The following BOD1L1 variants were observed in gnomAD, a reference collection of about 807,000 sequenced individuals.
BOD1L1 encodes biorientation of chromosomes in cell division 1 like 1.
A neutral mutation model predicts 240.7 loss-of-function variants in BOD1L1; 86 were observed. That is an observed-to-expected ratio of 0.36 (90% confidence interval 0.30 to 0.43). The LOEUF is 0.43. BOD1L1 is among the 20% of genes least tolerant of loss of function. The probability of loss-of-function intolerance (pLI) is 1.00; values close to 1 mark genes in which losing one functional copy is unlikely to be tolerated. For synonymous variants in BOD1L1, 1,268 were observed against 1,272.3 expected (o/e 1.00, Z 0.07); for missense variants, 3,554 against 3,643.5 (o/e 0.98, Z 0.63).
chr4:13,575,717 G>A (rs16888834), intron 25 of BOD1L1, among the ~76,000 whole-genome samples: 380 of 152,154 alleles, frequency 2.5e-3, no homozygotes, highest in African/African-American at 8.2e-3. Flanking sequence ...AGTGATTAAC[G>A]GTTAGGATGA....
chr4:13,622,867 C>T (rs916915223), intron 1 of BOD1L1, among the ~76,000 whole-genome samples: 1 of 152,222 alleles, frequency 6.6e-6, no homozygotes. Flanking sequence ...CTGCCAATGG[C>T]TTCTGAGCTC....
Position 13,601,709 on chromosome 4 carries a change from C to T in BOD1L1, c.5191G>A (p.Gly1731Arg), listed in dbSNP as rs754641458. ...AAGTTATCACTTCTGCCTTCTGCTCCTGTACATGTCACAGTGCCCTCTGTT... is the reference window on the plus strand; with the variant it reads ...AAGTTATCACTTCTGCCTTCTGCTCTTGTACATGTCACAGTGCCCTCTGTT... The part of the protein sequence containing the change: ...KETEGTVTCT[G>R]AEGRSDNFVI... Residue 1731 changes from glycine to arginine, a missense_variant, in exon 10 of 26, where the codon GGA (glycine) becomes AGA (arginine). Around this residue, in one of 2 missense-constraint regions of BOD1L1, gnomAD observed 3,393 missense variants for 3,427.1 expected, o/e 0.99. Coordinates refer to ENST00000040738, the MANE Select transcript of BOD1L1 (RefSeq NM_148894.3). 3 of 1,613,898 alleles carry T rather than the reference C, an allele frequency of 1.9e-6. No individual in the cohort carries two copies. The highest frequency in any genetic ancestry group is 2.7e-5 in the African/African-American group (2 of 74,932).
intron 5 of BOD1L1, among the ~76,000 whole-genome samples, chr4:13,612,421 G>C (rs775070571): frequency 6.0e-4 from 92 of 152,164 alleles, no homozygotes; most frequent in Non-Finnish European, 1.1e-3. Context: ...CACAGACTCG[G>C]GTTTGAAATC....
At position 13,609,290 on chromosome 4, in the gene BOD1L1, T is replaced by C. The variant is rs755834378; in HGVS notation, c.1603+5A>G. The stretch of plus-strand genomic sequence containing the variant: ...GTTTAAAATATTAAAAGTTGACATC[T>C]ATACCTTGACCCTTGGTTTTTGAAG... On this transcript the variant is annotated splice_donor_5th_base_variant and intron_variant, in intron 7 of 25. Transcript: ENST00000040738. The C allele has an allele frequency of 2.1e-5, 32 of 1,498,480 alleles. No individual in the cohort carries two copies. Among genetic ancestry groups the C allele is most frequent in the Non-Finnish European group, 2.6e-5 (29 of 1,124,976 alleles). 92.8% of individuals were successfully genotyped at this position (1,498,480 alleles called of 1,614,324 possible).
chr4:13,591,313 C>T (rs1012103986), intron 13 of BOD1L1, among the ~76,000 whole-genome samples: 1 of 152,118 alleles, frequency 6.6e-6, no homozygotes, highest in Non-Finnish European at 1.5e-5. Context: ...AAACAGAGTG[C>T]TTGATGAGGA....
chr4:13,625,220 A>G (rs1717302948), intron 1 of BOD1L1: 1 of 152,248 alleles, frequency 6.6e-6, no homozygotes, highest in Admixed American at 6.5e-5. Flanking sequence ...AGAGGCTAAG[A>G]ACATTAAAAT....
Position 13,604,569 on chromosome 4 carries a change from T to A in BOD1L1, c.2331A>T (p.Gln777His), listed in dbSNP as rs529257574. The change falls in exon 10 of 26, where the codon CAA becomes CAT. Residue 777 changes from glutamine to histidine, a missense_variant. Physicochemically the swap from Gln to His is conservative, Grantham distance 24. Coordinates refer to ENST00000040738, the MANE Select transcript of BOD1L1 (RefSeq NM_148894.3). ...KVEENIQKQS[Q>H]QTKLSSDDKT... ...TATCATCTGAAGAAAGCTTTGTTTG[T>A]TGACTTTGCTTTTGAATATTTTCCT... 1.7e-4 allele frequency: 260 copies of A among 1,561,712 alleles called. 2 individuals carry two copies. The highest frequency in any genetic ancestry group is 1.0e-3 in the Middle Eastern group (6 of 5,814).
intron 10 of BOD1L1, 24 bp from the exon 11 acceptor site, chr4:13,597,192 TAC>T: frequency 6.4e-7 from 1 of 1,570,482 alleles, no homozygotes; most frequent in South Asian, 1.2e-5. Flanking sequence ...AGCCATTTAG[TAC>T]AGTTTAAGAA....
chr4:13,623,858 G>C (rs564720587), intron 1 of BOD1L1: 3 of 152,114 alleles, frequency 2.0e-5, no homozygotes, highest in African/African-American at 4.8e-5. Flanking sequence ...ACAGAAAGCA[G>C]GTCAGTCTTT....
intron 25 of BOD1L1, among the ~76,000 whole-genome samples, chr4:13,573,470 A>ATCTATCTTTCTT (rs71169517): frequency 9.5e-4 from 116 of 122,724 alleles, no homozygotes; most frequent in African/African-American, 3.1e-3. Flanking sequence ...CTATCTATCT[A>ATCTATCTTTCTT]TCTTTCTTTC....
rs1214827866 is a variant in BOD1L1, at chr4:13,601,589, T to G, written c.5311A>C (p.Thr1771Pro). The G allele has an allele frequency of 6.2e-7, 1 of 1,613,898 alleles. No individual in the cohort carries two copies. The highest frequency in any genetic ancestry group is 8.5e-7 in the Non-Finnish European group (1 of 1,179,896). ...CCATCTCCTTCTTGGCTGGCACTTG[T>G]TCCTGGTGGTGCATCATTATCTCCC... ...VLGDNDAPPG[T>P]SASQEGDGSV... Residue 1771 changes from threonine to proline, a missense_variant, in exon 10 of 26, where the codon ACA becomes CCA. Around this residue, in one of 2 missense-constraint regions of BOD1L1, gnomAD observed 3,393 missense variants for 3,427.1 expected, o/e 0.99. Coordinates refer to ENST00000040738, the MANE Select transcript of BOD1L1 (RefSeq NM_148894.3).
intron 2 of BOD1L1, among the ~76,000 whole-genome samples, chr4:13,616,871 T>A (rs2108989633): frequency 6.6e-6 from 1 of 152,212 alleles, no homozygotes; most frequent in East Asian, 1.9e-4. Context: ...CTGTTACATC[T>A]TAGAGGTGTA....
intron 18 of BOD1L1, 22 bp downstream of exon 18, chr4:13,582,629 AC>A: frequency 6.5e-7 from 1 of 1,550,216 alleles, no homozygotes; most frequent in Non-Finnish European, 8.9e-7. Context: ...CAGTCAATTT[AC>A]CCAAGCAGAT....
chr4:13,571,439 A>C (rs1392892193), intron 25 of BOD1L1, among the ~76,000 whole-genome samples: 2 of 152,240 alleles, frequency 1.3e-5, no homozygotes, highest in African/African-American at 2.4e-5. Flanking sequence ...CAATGACTGA[A>C]AATGTGTTTG....
At chr4:13,595,986 T>G in intron 11 of BOD1L1, 42 bp from the exon 12 acceptor site, 1 of 1,554,906 alleles carries the variant, frequency 6.4e-7, no homozygotes, top group Non-Finnish European at 8.8e-7. Flanking sequence ...TAACCAGGGT[T>G]TTTACAAGAA....
Position 13,627,398 on chromosome 4 carries a change from G to A in BOD1L1, c.190C>T (p.Gln64Ter). 2 of 1,394,460 alleles carry A rather than the reference G, an allele frequency of 1.4e-6. No individual in the cohort carries two copies. Among genetic ancestry groups the A allele is most frequent in the Non-Finnish European group, 1.9e-6 (2 of 1,061,988 alleles). The allele number at this position is 1,394,460 out of a possible 1,614,324, so 86.4% of individuals were successfully genotyped here. Reference sequence around the variant, plus strand: ...CTGCGGAACTGGTCGAAGAGCCCCTGGCTCTTGAGGTGGTTCACGATCATG... The same window carrying A: ...CTGCGGAACTGGTCGAAGAGCCCCTAGCTCTTGAGGTGGTTCACGATCATG... ...VAMIVNHLKS[Q>*]GLFDQFRRDC... Residue 64 changes from glutamine (Q) to a stop codon, truncating the protein, a stop_gained, in exon 1 of 26, where the codon CAG (glutamine) becomes TAG (stop). Coordinates refer to ENST00000040738, the MANE Select transcript of BOD1L1 (RefSeq NM_148894.3). LOFTEE classifies it high-confidence loss of function.
chr4:13,605,270 G>GA (rs1433926104), intron 9 of BOD1L1, among the ~76,000 whole-genome samples, 186 bp from the exon 10 acceptor site: 1 of 152,040 alleles, frequency 6.6e-6, no homozygotes. Flanking sequence ...TTATTAACTT[G>GA]ATTTTAAGAA....
At chr4:13,626,043 T>C (rs1258994487) in intron 1 of BOD1L1, 2 of 152,184 alleles carry the variant, frequency 1.3e-5, no homozygotes, top group African/African-American at 2.4e-5. Context: ...TCAGAACAAC[T>C]AAACATACTA....
At chr4:13,585,917 C>A (rs868689371) in intron 17 of BOD1L1, among the ~76,000 whole-genome samples, 2 of 152,112 alleles carry the variant, frequency 1.3e-5, no homozygotes, top group African/African-American at 4.8e-5. Context: ...CCCAGCCATG[C>A]GGAACCGTGA....
Sources: gnomAD v4.1 joint callset for allele counts (sites outside exome capture counted in the v4.1 genomes callset) on GRCh38, gnomAD v4.1.1 for gene constraint, gnomAD v4.1.1 regional missense constraint, MANE v1.5 for transcripts, NCBI Gene and HGNC (gene_info 2026-07-23, HGNC 2026-07-21) for gene names.